Variants in DRP2 observed in about 807,000 individuals in gnomAD.
The protein encoded by DRP2 is dystrophin related protein 2.
In DRP2, 29 loss-of-function variants were observed where a neutral mutation model predicts 78.2. That is an observed-to-expected ratio of 0.37 (90% CI 0.28 to 0.51). The LOEUF (loss-of-function observed/expected upper bound fraction) is 0.51, where lower values mean the gene tolerates loss of function less well. Among genes scored for constraint, DRP2 ranks in the 20% least tolerant of loss-of-function variants. The pLI, the probability that DRP2 is intolerant of heterozygous loss-of-function variation, is 0.94. For synonymous variants in DRP2, 290 were observed against 281.9 expected, an observed-to-expected ratio of 1.03 and a Z score of -0.29; for missense variants, 686 against 770.6, an observed-to-expected ratio of 0.89 and a Z score of 1.30.
chrX:101,254,339 G>A (rs996675170), intron 17 of DRP2, 86 bp from the exon 18 acceptor site: 8 of 1,118,484 alleles, frequency 7.2e-6, no homozygotes, highest in Middle Eastern at 5.4e-4. Flanking sequence ...TACCCAGCAG[G>A]CTGTCTGCTC....
intron 4 of DRP2, 60 bp downstream of exon 4, chrX:101,236,083 C>T (rs1922493824): frequency 8.7e-7 from 1 of 1,143,190 alleles, no homozygotes; most frequent in Non-Finnish European, 1.2e-6. Flanking sequence ...TTTGCTGCTG[C>T]ACCCTGTCCT....
chrX:101,254,950 G>A (rs1399014827), intron 19 of DRP2, 26 bp downstream of exon 19: 2 of 1,207,264 alleles, frequency 1.7e-6, no homozygotes, highest in Middle Eastern at 2.3e-4. Context: ...CGGGAGGTGG[G>A]TAGGAGCTGT....
intron 9 of DRP2, among the ~76,000 whole-genome samples, chrX:101,243,947 A>T (rs1922833698): frequency 8.9e-6 from 1 of 111,772 alleles, no homozygotes; most frequent in Non-Finnish European, 1.9e-5. Flanking sequence ...TACCAGGCAG[A>T]GGGAACAGCA....
intron 2 of DRP2, among the ~76,000 whole-genome samples, chrX:101,225,172 T>C (rs1482940451): frequency 8.1e-5 from 4 of 49,525 alleles, no homozygotes; most frequent in Non-Finnish European, 1.6e-4. Context: ...TGCTGCCCCA[T>C]TAGACTCACT....
Position 101,258,392 on chromosome X carries a change from A to G in DRP2, c.2474A>G (p.Glu825Gly), listed in dbSNP as rs768891455. ...EAPSLADGST[E>G]AATDHRNEEL... ...CCCAGTCTGGCTGACGGCTCCACTG[A>G]GGCAGCAACAGACCACCGCAATGAG... is the stretch of plus-strand genomic sequence containing the variant. The change falls in exon 22 of 24, where the codon GAG becomes GGG. Residue 825 changes from glutamate to glycine, a missense_variant. By Grantham distance (98) the Glu-to-Gly change is moderately conservative (BLOSUM62 -2). Around this residue, in one of 2 missense-constraint regions of DRP2, gnomAD observed 423 missense variants for 531.5 expected, o/e 0.80. Transcript: ENST00000395209. 3 of 1,206,052 alleles carry G rather than the reference A, an allele frequency of 2.5e-6. No homozygotes were observed. The highest frequency in any genetic ancestry group is 3.4e-6 in the Non-Finnish European group (3 of 892,690).
intron 15 of DRP2, 48 bp downstream of exon 15, chrX:101,250,628 G>T (rs3747280): frequency 3.5e-6 from 4 of 1,155,289 alleles, no homozygotes; most frequent in Non-Finnish European, 4.6e-6. Context: ...GTTGCAGGAA[G>T]GGTGGGAAGA....
chrX:101,226,257 A>G (rs1602907305), intron 2 of DRP2, among the ~76,000 whole-genome samples: 1 of 111,750 alleles, frequency 8.9e-6, no homozygotes, highest in East Asian at 2.8e-4. Flanking sequence ...ATAGACGTTT[A>G]AGTTTTTGCA....
rs369000613 is a variant in DRP2 at position 101,251,063 on chromosome X, G to A, written c.1845G>A (p.Gln615=). 10 of 1,207,367 alleles carry A rather than the reference G, an allele frequency of 8.3e-6. 1 individual carries two copies. The African/African-American group carries it at 1.8e-4, about 21-fold the overall frequency. ...AGACCAAGTGCTCTATCTGTAGGCA[G>A]TGCCCCATCAAGGGGTTCAGGTAGG... ...KHQTKCSICR[Q]CPIKGFRYRS... The change falls in exon 16 of 24, where the codon CAG becomes CAA. Residue 615 remains glutamine, a synonymous_variant. Transcript: ENST00000395209.
Position 101,256,107 on chromosome X carries a change from C to T in DRP2, c.2247-11C>T, listed in dbSNP as rs756463281. On this transcript the variant is annotated splice_polypyrimidine_tract_variant and intron_variant, in intron 20 of 23. Coordinates refer to ENST00000395209, the MANE Select transcript of DRP2 (RefSeq NM_001939.3). ...CTGGTCACCTACTCTGCTTTCCCCA[C>T]ACCCATGCAGAGACGAGGACCAGTA... The T allele has an allele frequency of 1.9e-5, 22 of 1,161,773 alleles. No homozygotes were observed. Among genetic ancestry groups the T allele is most frequent in the Admixed American group, 7.9e-5 (3 of 37,813 alleles).
At chrX:101,243,044 T>C in intron 9 of DRP2, 62 bp downstream of exon 9, 1 of 1,065,295 alleles carries the variant, frequency 9.4e-7, no homozygotes, top group Non-Finnish European at 1.3e-6. Flanking sequence ...GAGAGTCTAT[T>C]GTTATCCCCT....
chrX:101,231,152 A>G, intron 2 of DRP2, among the ~76,000 whole-genome samples: 1 of 112,062 alleles, frequency 8.9e-6, no homozygotes, highest in Admixed American at 9.4e-5. Flanking sequence ...GCAAATATCT[A>G]CTTATCTTTT....
intron 6 of DRP2, among the ~76,000 whole-genome samples, chrX:101,240,029 CA>C (rs1922662360): frequency 8.9e-6 from 1 of 111,832 alleles, no homozygotes; most frequent in African/African-American, 3.3e-5. Context: ...GGCAACAGAG[CA>C]AGACCCTGAC....
chrX:101,244,868 C>G, intron 9 of DRP2, 149 bp from the exon 10 acceptor site: 1 of 486,263 alleles, frequency 2.1e-6, no homozygotes, highest in Non-Finnish European at 3.5e-6. Context: ...TTTGTCCCAC[C>G]CTCAGAGGCT....
At chrX:101,235,009 T>C (rs1922444444) in intron 3 of DRP2, among the ~76,000 whole-genome samples, 1 of 110,881 alleles carries the variant, frequency 9.0e-6, no homozygotes, top group Non-Finnish European at 1.9e-5. Context: ...TCCCCTTCCC[T>C]CTGCCTGCTC....
At chrX:101,234,899 T>C (rs1181774685) in intron 3 of DRP2, among the ~76,000 whole-genome samples, 3 of 110,226 alleles carry the variant, frequency 2.7e-5, no homozygotes, top group Non-Finnish European at 5.7e-5. Context: ...GCAGGGCCAT[T>C]TTCTTTGCAA....
At chrX:101,221,017 A>G (rs1333473101) in intron 1 of DRP2, among the ~76,000 whole-genome samples, 4 of 110,600 alleles carry the variant, frequency 3.6e-5, no homozygotes, top group African/African-American at 9.9e-5. Flanking sequence ...TGGGTAGTTA[A>G]TGTTTATCCT....
rs1326398272 is a variant in DRP2 at position 101,255,392 on chromosome X, C to G, written c.2246+143C>G. The stretch of plus-strand genomic sequence containing the variant: ...CTCCCTAAGGAAGGAAGGCTGCTTT[C>G]TGGGCACGGTGTTCAGTAAGAAAGG... On this transcript the variant is annotated intron_variant, in intron 20 of 23. Coordinates refer to ENST00000395209, the MANE Select transcript of DRP2 (RefSeq NM_001939.3). 1.6e-5 allele frequency: 9 copies of G among 564,887 alleles called. No homozygotes were observed. The Admixed American group carries it at 2.5e-4, about 16-fold the overall frequency. 46.6% of individuals were successfully genotyped at this position (564,887 alleles called of 1,213,427 possible).
intron 17 of DRP2, 97 bp downstream of exon 17, chrX:101,252,813 C>T (rs992727098): frequency 3.7e-5 from 24 of 644,884 alleles, no homozygotes; most frequent in African/African-American, 6.7e-5. Context: ...TTTCTGCTCT[C>T]CCGTGGGGAG....
In DRP2 at chrX:101,231,730, G is replaced by A; in HGVS notation, c.83G>A (p.Ser28Asn). 2 of 1,211,099 alleles carry A rather than the reference G, an allele frequency of 1.7e-6. No homozygotes were observed. The highest frequency in any genetic ancestry group is 2.2e-6 in the Non-Finnish European group (2 of 895,191). ...CAGGCAGCTGACCAGTTCCATCATA[G>A]CAGCAGCCTCCGAAGCACCTGCCCC... is the stretch of plus-strand genomic sequence containing the variant. ...DWQAADQFHH[S>N]SSLRSTCPHP... Residue 28 changes from serine to asparagine, a missense_variant, in exon 3 of 24, where the codon AGC becomes AAC. Ser to Asn is a conservative substitution (Grantham distance 46). This residue lies in a region of DRP2 where 263 missense variants were observed against 239.1 expected (regional missense o/e 1.10). Coordinates refer to ENST00000395209, the MANE Select transcript of DRP2 (RefSeq NM_001939.3).
Sources: gnomAD v4.1 joint callset for allele counts (sites outside exome capture counted in the v4.1 genomes callset) on GRCh38, gnomAD v4.1.1 for gene constraint, gnomAD v4.1.1 regional missense constraint, MANE v1.5 for transcripts, NCBI Gene and HGNC (gene_info 2026-07-23, HGNC 2026-07-21) for gene names.